The following C21orf58 variants were observed in gnomAD, a reference collection of about 807,000 sequenced individuals.
C21orf58 encodes uncharacterized protein C21orf58.
In C21orf58, 34 loss-of-function variants were observed where a neutral mutation model predicts 35.8. The ratio of observed to expected loss-of-function variants is 0.95; its 90% CI spans 0.72 to 1.26. The LOEUF (loss-of-function observed/expected upper bound fraction) is 1.26, where lower values mean the gene tolerates loss of function less well. Among genes scored for constraint, C21orf58 ranks in the 50% most tolerant of loss-of-function variants. C21orf58 has a pLI of 0.00. For missense variants in C21orf58, 440 were observed against 414.3 expected, an observed-to-expected ratio of 1.06 and a Z score of -0.54; for synonymous variants, 191 against 175.8, an observed-to-expected ratio of 1.09 and a Z score of -0.68.
intron 6 of C21orf58, among the ~76,000 whole-genome samples, chr21:46,303,962 A>G (rs554883459): frequency 1.4e-5 from 2 of 144,370 alleles, no homozygotes; most frequent in South Asian, 2.2e-4. Context: ...CGTGTTAGCC[A>G]GGATGGTCTC....
intron 1 of C21orf58, among the ~76,000 whole-genome samples, chr21:46,321,888 T>G (rs935439154): frequency 6.7e-6 from 1 of 148,794 alleles, no homozygotes; most frequent in Non-Finnish European, 1.5e-5. Context: ...ATCTACAAAA[T>G]TTATCTGGGC....
chr21:46,303,211 T>C (rs11701725), intron 6 of C21orf58, among the ~76,000 whole-genome samples: 127,350 of 151,890 alleles, frequency 0.84, 53,966 homozygotes, highest in African/African-American at 0.9. Context: ...TAGTGGTGCA[T>C]GCCTGTAGTC....
downstream of C21orf58, chr21:46,300,807 G>A: frequency 7.8e-7 from 1 of 1,285,916 alleles, no homozygotes; most frequent in Non-Finnish European, 1.0e-6. Flanking sequence ...AATAGGGGGT[G>A]AATGAAAGTT....
intron 1 of C21orf58, among the ~76,000 whole-genome samples, chr21:46,319,551 C>A (rs904529146): frequency 1.3e-5 from 2 of 152,152 alleles, no homozygotes; most frequent in African/African-American, 4.8e-5. Flanking sequence ...TCACTTGAGT[C>A]CACGAGTTGG....
Position 46,315,504 on chromosome 21 carries a change from C to T in C21orf58, c.414G>A (p.Lys138=), listed in dbSNP as rs372055017. 2.2e-5 allele frequency: 35 copies of T among 1,611,914 alleles called. No individual in the cohort carries two copies. Among genetic ancestry groups the T allele is most frequent in the Non-Finnish European group, 2.8e-5 (33 of 1,178,536 alleles). ...GTCTCTGCAGAAGGTCCCTCCTTCTCTTCAGAGCAGTCTGCAGGGCATCGT... is the reference window on the plus strand; with the variant it reads ...GTCTCTGCAGAAGGTCCCTCCTTCTTTTCAGAGCAGTCTGCAGGGCATCGT... ...RPDDALQTAL[K]RRRDLLQRLR... is the part of the protein sequence containing the mutation. Residue 138 remains lysine, a synonymous_variant, in exon 4 of 8, where the codon AAG becomes AAA. Coordinates refer to ENST00000291691, the MANE Select transcript of C21orf58 (RefSeq NM_058180.5).
intron 3 of C21orf58, among the ~76,000 whole-genome samples, chr21:46,316,675 G>A (rs1008232938): frequency 2.6e-5 from 4 of 152,202 alleles, no homozygotes; most frequent in Admixed American, 1.3e-4. Flanking sequence ...CTATTCCCTC[G>A]CACTGGCTCT....
At chr21:46,311,038 G>GT (rs1476815052) in intron 6 of C21orf58, among the ~76,000 whole-genome samples, 1 of 151,466 alleles carries the variant, frequency 6.6e-6, no homozygotes, top group Non-Finnish European at 1.5e-5. Context: ...TGGTGAGCTG[G>GT]TTTTTGTATT....
rs193123286 is a variant in C21orf58, at chr21:46,315,395, G to A, written c.444+79C>T. The A allele has an allele frequency of 4.3e-5, 39 of 913,406 alleles. No individual in the cohort carries two copies. The Admixed American group carries it at 5.3e-4, about 12-fold the overall frequency. 56.6% of individuals were successfully genotyped at this position (913,406 alleles called of 1,614,324 possible). On this transcript the variant is annotated intron_variant, in intron 4 of 7. Coordinates refer to ENST00000291691, the MANE Select transcript of C21orf58 (RefSeq NM_058180.5). Reference sequence around the variant, plus strand: ...GGAAAGGTCTTCCCTAATACTCCCCGACCTGGTGCCTTAAGGCTGAGCAGC... The same window carrying A: ...GGAAAGGTCTTCCCTAATACTCCCCAACCTGGTGCCTTAAGGCTGAGCAGC...
chr21:46,319,882 A>G (rs1020723898), intron 1 of C21orf58, among the ~76,000 whole-genome samples: 1 of 151,990 alleles, frequency 6.6e-6, no homozygotes, highest in African/African-American at 2.4e-5. Flanking sequence ...GGGCAACAAG[A>G]GCAAAACCTC....
At chr21:46,320,858 A>G (rs1461250064) in intron 1 of C21orf58, 1 of 152,132 alleles carries the variant, frequency 6.6e-6, no homozygotes, top group Non-Finnish European at 1.5e-5. Flanking sequence ...ACATTTATGC[A>G]GTGGTCAAGT....
intron 6 of C21orf58, 60 bp downstream of exon 6, chr21:46,311,396 A>G: frequency 9.8e-7 from 1 of 1,021,302 alleles, no homozygotes. Context: ...TTCCAGGAAC[A>G]TTTTCCCTTT....
chr21:46,311,186 A>G, intron 6 of C21orf58, among the ~76,000 whole-genome samples: 1 of 152,130 alleles, frequency 6.6e-6, no homozygotes, highest in Non-Finnish European at 1.5e-5. Context: ...ATTATTTTAA[A>G]AGAAGCATCT....
At chr21:46,315,224 G>A (rs1000541747) in intron 4 of C21orf58, 12 of 602,486 alleles carry the variant, frequency 2.0e-5, no homozygotes, top group Non-Finnish European at 3.2e-5. Context: ...GGTGAGTGCC[G>A]TGGGAGCAAA....
At chr21:46,310,148 T>C (rs1348753564) in intron 6 of C21orf58, among the ~76,000 whole-genome samples, 3 of 152,028 alleles carry the variant, frequency 2.0e-5, no homozygotes, top group Admixed American at 6.6e-5. Context: ...TCAGTCTTGA[T>C]TGTAGTGATA....
intron 2 of C21orf58, 165 bp from the exon 3 acceptor site, chr21:46,317,433 TG>T: frequency 8.2e-7 from 1 of 1,212,258 alleles, no homozygotes; most frequent in African/African-American, 1.5e-5. Context: ...AGGATCTCCC[TG>T]AGCTGCCTCT....
Position 46,317,020 on chromosome 21 carries a change from G to A in C21orf58, c.370+188C>T, listed in dbSNP as rs530024949. ...CCTTTTTGGGGTTTGCAGACTAAAG[G>A]TGATAAGGAATGGGGGTGTCTTCAA... is the stretch of plus-strand genomic sequence containing the variant. On this transcript the variant is annotated intron_variant, in intron 3 of 7. Coordinates refer to ENST00000291691, the MANE Select transcript of C21orf58 (RefSeq NM_058180.5). Among the ~76,000 whole-genome samples, 4 of 152,338 alleles carry A rather than the reference G, an allele frequency of 2.6e-5. No homozygotes were observed. In the South Asian group the frequency reaches 6.2e-4, roughly 24 times the overall value.
In C21orf58 at chr21:46,322,744, T is replaced by A. The variant is rs1468794837; in HGVS notation, c.-6A>T. ...GGGAGCCGAGATCGCGCCATTGCGC[T>A]ATAGCCTGGGCGTCGCAGCGAGACT... On this transcript the variant is annotated 5_prime_UTR_variant, in exon 1 of 8. Transcript: ENST00000291691. 2.0e-6 allele frequency: 3 copies of A among 1,492,284 alleles called. No individual in the cohort carries two copies. The highest frequency in any genetic ancestry group is 2.7e-6 in the Non-Finnish European group (3 of 1,114,834). The allele number at this position is 1,492,284 out of a possible 1,614,324, so 92.4% of individuals were successfully genotyped here.
intron 6 of C21orf58, among the ~76,000 whole-genome samples, chr21:46,309,370 G>A (rs1337707251): frequency 6.6e-6 from 1 of 151,760 alleles, no homozygotes; most frequent in African/African-American, 2.4e-5. Context: ...GCTGAGGCAG[G>A]AGAATCGCTT....
Position 46,320,538 on chromosome 21 carries a change from G to C in C21orf58, c.100+2101C>G, listed in dbSNP as rs566879843. ...AAAAAAAAAAAAAAAAAAAAAAAAA[G>C]GGTATCAGGCCAACAGGGACCAGAT... On this transcript the variant is annotated intron_variant, in intron 1 of 7. Coordinates refer to ENST00000291691, the MANE Select transcript of C21orf58 (RefSeq NM_058180.5). 2.2e-5 allele frequency: 3 copies of C among 137,914 alleles called. No homozygotes were observed. The East Asian group carries it at 6.3e-4, about 29-fold the overall frequency. The allele number at this position is 137,914 out of a possible 1,614,324, so 8.5% of individuals were successfully genotyped here. A position where few individuals can be genotyped will look rare whatever the true frequency, so the allele number is the denominator to read the frequency against.
Sources: gnomAD v4.1 joint callset for allele counts (sites outside exome capture counted in the v4.1 genomes callset) on GRCh38, gnomAD v4.1.1 for gene constraint, MANE v1.5 for transcripts, NCBI Gene and HGNC (gene_info 2026-07-23, HGNC 2026-07-21) for gene names.